LANCL3: variants seen among roughly 807,000 people sequenced by gnomAD.
The protein encoded by LANCL3 is LanC like family member 3.
Under a neutral mutation model 26.5 loss-of-function variants are expected in LANCL3, and 19 were observed. The observed-to-expected ratio is 0.72, with a 90% CI of 0.50 to 1.05. LANCL3 has a LOEUF of 1.05. Among genes scored for constraint, LANCL3 ranks in the 50% least tolerant of loss-of-function variants. The probability of loss-of-function intolerance (pLI) is 0.00; values close to 1 mark genes in which losing one functional copy is unlikely to be tolerated. For synonymous variants in LANCL3, 160 were observed against 166.6 expected (o/e 0.96, Z 0.30); for missense variants, 318 against 362.7 (o/e 0.88, Z 1.00).
intron 1 of LANCL3, among the ~76,000 whole-genome samples, chrX:37,633,650 C>T (rs1556424973): frequency 9.0e-6 from 1 of 111,687 alleles, no homozygotes; most frequent in East Asian, 2.8e-4. Context: ...TTCTAACAGA[C>T]AGGACCCTCA....
chrX:37,579,304 T>C (rs1392947503), intron 1 of LANCL3, among the ~76,000 whole-genome samples: 3 of 111,611 alleles, frequency 2.7e-5, no homozygotes, highest in African/African-American at 9.8e-5. Flanking sequence ...TACATGCATA[T>C]ACATATACAG....
intron 3 of LANCL3, among the ~76,000 whole-genome samples, chrX:37,661,007 C>G (rs61088215): frequency 0.25 from 24,227 of 97,121 alleles, 2,859 homozygotes; most frequent in African/African-American, 0.54. Context: ...TTTTTGTGGG[C>G]GGGGGGGGAA....
At chrX:37,642,648 C>A (rs1925894909) in intron 1 of LANCL3, among the ~76,000 whole-genome samples, 1 of 111,937 alleles carries the variant, frequency 8.9e-6, no homozygotes, top group South Asian at 3.7e-4. Context: ...GAAGCTCCTG[C>A]AGATTCCTCC....
chrX:37,626,582 A>G (rs1556423068), intron 1 of LANCL3, among the ~76,000 whole-genome samples: 1 of 110,961 alleles, frequency 9.0e-6, no homozygotes, highest in Non-Finnish European at 1.9e-5. Flanking sequence ...TGACAAGATC[A>G]TATGAACACT....
At chrX:37,669,787 C>T (rs6651753) in intron 4 of LANCL3, among the ~76,000 whole-genome samples, 35,697 of 111,152 alleles carry the variant, frequency 0.32, 6,228 homozygotes, top group African/African-American at 0.69. Context: ...TATGCAGAAA[C>T]AGGATCTTGC....
chrX:37,614,862 A>G (rs782621135), intron 1 of LANCL3, among the ~76,000 whole-genome samples: 11 of 112,368 alleles, frequency 9.8e-5, no homozygotes, highest in Non-Finnish European at 2.1e-4. Context: ...GTGTACTGCA[A>G]CTAACATTTA....
chrX:37,580,005 T>G (rs1469261395), intron 1 of LANCL3, among the ~76,000 whole-genome samples: 8 of 111,813 alleles, frequency 7.2e-5, no homozygotes, highest in African/African-American at 2.3e-4. Flanking sequence ...CTGAGTCCCT[T>G]TATTGTTTCT....
At chrX:37,595,130 A>G (rs1221777857) in intron 1 of LANCL3, among the ~76,000 whole-genome samples, 2 of 111,457 alleles carry the variant, frequency 1.8e-5, no homozygotes, top group African/African-American at 6.5e-5. Context: ...TTCATCTTAC[A>G]TGTTTCCTAG....
intron 1 of LANCL3, among the ~76,000 whole-genome samples, chrX:37,611,476 A>T (rs1209241850): frequency 9.0e-6 from 1 of 111,663 alleles, no homozygotes; most frequent in Non-Finnish European, 1.9e-5. Context: ...GTCATTTTAA[A>T]CAAGGAGGAT....
intron 1 of LANCL3, among the ~76,000 whole-genome samples, chrX:37,594,935 G>A (rs1439424892): frequency 8.9e-6 from 1 of 111,789 alleles, no homozygotes; most frequent in Non-Finnish European, 1.9e-5. Flanking sequence ...TACGTGGAGC[G>A]AAATTAGATG....
At chrX:37,617,845 G>A (rs782368246) in intron 1 of LANCL3, among the ~76,000 whole-genome samples, 1 of 111,805 alleles carries the variant, frequency 8.9e-6, no homozygotes, top group South Asian at 3.8e-4. Context: ...ATGATTACTA[G>A]ATGAGTTTGG....
chrX:37,635,953 C>G (rs904355536), intron 1 of LANCL3, among the ~76,000 whole-genome samples: 1 of 109,778 alleles, frequency 9.1e-6, no homozygotes, highest in East Asian at 2.9e-4. Context: ...GATCCTCACT[C>G]TTCTCCCTCC....
At chrX:37,656,525 A>C (rs1322041663) in intron 2 of LANCL3, among the ~76,000 whole-genome samples, 1 of 112,330 alleles carries the variant, frequency 8.9e-6, no homozygotes, top group Non-Finnish European at 1.9e-5. Context: ...ACTCTGCTCA[A>C]ACATCATTAA....
intron 1 of LANCL3, among the ~76,000 whole-genome samples, chrX:37,572,667 C>T (rs1449885178): frequency 8.9e-6 from 1 of 112,348 alleles, no homozygotes; most frequent in Non-Finnish European, 1.9e-5. Context: ...GGCGTCTCTG[C>T]GCTTTGTTCG....
At chrX:37,627,535 C>G (rs1190149528) in intron 1 of LANCL3, among the ~76,000 whole-genome samples, 2 of 111,642 alleles carry the variant, frequency 1.8e-5, no homozygotes, top group Non-Finnish European at 3.8e-5. Flanking sequence ...GATGCAGAAT[C>G]TCAGGCCTCA....
intron 1 of LANCL3, among the ~76,000 whole-genome samples, chrX:37,649,888 A>G (rs1428135006): frequency 2.7e-5 from 3 of 111,392 alleles, no homozygotes; most frequent in Non-Finnish European, 3.8e-5. Flanking sequence ...CTTCATCATT[A>G]TTATTATATT....
At chrX:37,585,224 T>C (rs1294519600) in intron 1 of LANCL3, among the ~76,000 whole-genome samples, 28 of 111,832 alleles carry the variant, frequency 2.5e-4, no homozygotes, top group African/African-American at 7.8e-4. Flanking sequence ...AACTATGTGG[T>C]CAATTTTGGC....
intron 1 of LANCL3, among the ~76,000 whole-genome samples, chrX:37,622,104 T>A (rs1925179735): frequency 9.0e-6 from 1 of 111,671 alleles, no homozygotes; most frequent in African/African-American, 3.3e-5. Flanking sequence ...CCCTTCAACT[T>A]GACATTTCCC....
intron 3 of LANCL3, among the ~76,000 whole-genome samples, chrX:37,666,984 A>T (rs1926560948): frequency 8.9e-6 from 1 of 112,279 alleles, no homozygotes; most frequent in Non-Finnish European, 1.9e-5. Context: ...GTACGTCAAT[A>T]AAAATGTTGC....
Sources: allele counts gnomAD v4.1 joint callset (sites outside exome capture counted in the v4.1 genomes callset), GRCh38; gene constraint gnomAD v4.1.1; transcripts MANE v1.5; gene names NCBI Gene and HGNC (gene_info 2026-07-23, HGNC 2026-07-21).